CDC16: variants seen among roughly 807,000 people sequenced by gnomAD.
The protein encoded by CDC16 is cell division cycle 16, also known as cell division cycle protein 16 homolog.
A neutral mutation model predicts 87.0 loss-of-function variants in CDC16; 34 were observed. That is an observed-to-expected ratio of 0.39 (90% confidence interval 0.30 to 0.52). CDC16 has a LOEUF of 0.52. CDC16 is among the 20% of genes least tolerant of loss of function. The pLI is 0.74. For synonymous variants in CDC16, 263 were observed against 260.6 expected (o/e 1.01, Z -0.09); for missense variants, 653 against 751.9 (o/e 0.87, Z 1.54).
intron 17 of CDC16, among the ~76,000 whole-genome samples, chr13:114,265,944 T>A (rs1474810756): frequency 2.6e-5 from 4 of 152,120 alleles, no homozygotes; most frequent in Non-Finnish European, 5.9e-5. Flanking sequence ...GCCTCCTGAG[T>A]AGCTTGGATT....
chr13:114,248,468 G>T (rs1594593047), intron 11 of CDC16, among the ~76,000 whole-genome samples: 1 of 152,166 alleles, frequency 6.6e-6, no homozygotes, highest in East Asian at 1.9e-4. Flanking sequence ...ATTACCTTAG[G>T]TCAGGAGTTC....
intron 8 of CDC16, among the ~76,000 whole-genome samples, chr13:114,244,308 G>GTA (rs1566644851): frequency 6.6e-6 from 1 of 152,184 alleles, no homozygotes; most frequent in Non-Finnish European, 1.5e-5. Flanking sequence ...GACTCACACT[G>GTA]TAGATACTAG....
At chr13:114,270,623 C>T (rs974645994) in intron 17 of CDC16, among the ~76,000 whole-genome samples, 50 of 152,350 alleles carry the variant, frequency 3.3e-4, no homozygotes, top group African/African-American at 1.1e-3. Flanking sequence ...TGGCGGTAGT[C>T]ATCTGGGATG....
At chr13:114,243,209 C>A in intron 6 of CDC16, 48 bp from the exon 7 acceptor site, 1 of 859,196 alleles carries the variant, frequency 1.2e-6, no homozygotes, top group South Asian at 1.4e-5. Flanking sequence ...GCTTTTTCCC[C>A]TCTATAAATA....
At chr13:114,261,974 AATATACTTTGTGTCTC>A in intron 15 of CDC16, 26 bp downstream of exon 15, 1 of 1,451,364 alleles carries the variant, frequency 6.9e-7, no homozygotes, top group Non-Finnish European at 9.6e-7. Context: ...CATTTTCAGA[AATATACTTTGTGTCTC>A]AAAGTTTACT....
In CDC16 at chr13:114,244,948, G is replaced by A. The variant is rs1408566217; in HGVS notation, c.826G>A (p.Val276Ile). The A allele has an allele frequency of 6.2e-7, 1 of 1,602,760 alleles. No individual in the cohort carries two copies. The highest frequency in any genetic ancestry group is 2.2e-5 in the East Asian group (1 of 44,592). The change falls in exon 9 of 18, where the codon GTA (valine) becomes ATA (isoleucine). Residue 276 changes from valine to isoleucine, a missense_variant. Val to Ile is a conservative substitution (Grantham distance 29). Coordinates refer to ENST00000356221, the MANE Select transcript of CDC16 (RefSeq NM_001078645.3). ...TTTACCTGTACATATAGGGACGCTT[G>A]TAGAGCTGAATAAAGCCAATGGTAA... is the stretch of plus-strand genomic sequence containing the variant. Reference protein sequence around the residue: ...SCLPVHIGTLVELNKANELFY... With the variant: ...SCLPVHIGTLIELNKANELFY...
rs1431347391 is a variant in CDC16 at position 114,272,349 on chromosome 13, C to G, written c.1769C>G (p.Pro590Arg). 5.0e-6 allele frequency: 8 copies of G among 1,613,926 alleles called. No homozygotes were observed. The South Asian group carries it at 7.7e-5, about 16-fold the overall frequency. Residue 590 changes from proline (P) to arginine (R), a missense_variant, in exon 18 of 18, where the codon CCA becomes CGA. By Grantham distance (103) the Pro-to-Arg change is moderately radical. Coordinates refer to ENST00000356221, the MANE Select transcript of CDC16 (RefSeq NM_001078645.3). ...LTPLETSRKTPDSRPSLEETF... is the reference protein window; with the variant it reads ...LTPLETSRKTRDSRPSLEETF... ...CCATTGGAAACCTCAAGGAAAACTC[C>G]AGATTCCAGACCTTCCTTGGAAGAA...
At chr13:114,250,745 T>C in intron 12 of CDC16, 71 bp downstream of exon 12, 1 of 1,431,972 alleles carries the variant, frequency 7.0e-7, no homozygotes, top group South Asian at 1.2e-5. Flanking sequence ...TTTCTATTAC[T>C]ATTACTGCTA....
At chr13:114,238,738 C>G (rs974575529) in intron 3 of CDC16, among the ~76,000 whole-genome samples, 1 of 152,236 alleles carries the variant, frequency 6.6e-6, no homozygotes, top group Non-Finnish European at 1.5e-5. Flanking sequence ...GTCATGCTTA[C>G]CTGTTGTGCT....
At chr13:114,263,494 T>G (rs1210895258) in intron 16 of CDC16, among the ~76,000 whole-genome samples, 1 of 152,244 alleles carries the variant, frequency 6.6e-6, no homozygotes, top group East Asian at 1.9e-4. Flanking sequence ...AATTAAACTT[T>G]AACATAATTT....
chr13:114,251,447 G>A (rs1566658293), intron 12 of CDC16, among the ~76,000 whole-genome samples: 1 of 152,222 alleles, frequency 6.6e-6, no homozygotes, highest in Non-Finnish European at 1.5e-5. Flanking sequence ...AAAGCACTCA[G>A]TGAAAGTTAG....
chr13:114,253,508 G>T (rs1190348729), intron 12 of CDC16, among the ~76,000 whole-genome samples: 1 of 151,974 alleles, frequency 6.6e-6, no homozygotes, highest in Non-Finnish European at 1.5e-5. Context: ...TGGCCAATAT[G>T]GTGAAACCCC....
intron 16 of CDC16, among the ~76,000 whole-genome samples, chr13:114,263,639 G>T (rs536010753): frequency 1.3e-5 from 2 of 152,302 alleles, no homozygotes; most frequent in Admixed American, 6.5e-5. Flanking sequence ...AGCCCAGAGG[G>T]CCAGTATCTG....
chr13:114,235,496 G>A (rs2081203783), intron 1 of CDC16, among the ~76,000 whole-genome samples: 1 of 152,204 alleles, frequency 6.6e-6, no homozygotes, highest in Non-Finnish European at 1.5e-5. Context: ...TTTTTGAGAG[G>A]TTTAGTTGTA....
intron 11 of CDC16, among the ~76,000 whole-genome samples, chr13:114,248,248 G>A (rs17338039): frequency 1.6e-4 from 25 of 152,270 alleles, no homozygotes; most frequent in Admixed American, 1.3e-3. Flanking sequence ...GGTTTCTTCC[G>A]TGCAAATAAA....
intron 5 of CDC16, among the ~76,000 whole-genome samples, chr13:114,240,334 C>G (rs759584481): frequency 6.6e-6 from 1 of 152,050 alleles, no homozygotes; most frequent in Non-Finnish European, 1.5e-5. Flanking sequence ...CTCAGCCTCC[C>G]GAGTAGCTGG....
chr13:114,235,365 C>T (rs1406220307), intron 1 of CDC16, among the ~76,000 whole-genome samples: 1 of 152,252 alleles, frequency 6.6e-6, no homozygotes, highest in East Asian at 1.9e-4. Flanking sequence ...CGGGGCGCCT[C>T]AGTCGGGTCT....
At chr13:114,267,834 A>G (rs1282419765) in intron 17 of CDC16, among the ~76,000 whole-genome samples, 2 of 149,832 alleles carry the variant, frequency 1.3e-5, no homozygotes, top group African/African-American at 5.1e-5. Flanking sequence ...TTACTTTATC[A>G]TAGTTTACTG....
intron 5 of CDC16, among the ~76,000 whole-genome samples, chr13:114,240,358 C>T (rs1045128579): frequency 7.9e-5 from 12 of 152,000 alleles, no homozygotes; most frequent in African/African-American, 2.4e-4. Context: ...TACAGGCGCC[C>T]GCCACCATGC....
Sources: gnomAD v4.1 joint callset for allele counts (sites outside exome capture counted in the v4.1 genomes callset) on GRCh38, gnomAD v4.1.1 for gene constraint, MANE v1.5 for transcripts, NCBI Gene and HGNC (gene_info 2026-07-23, HGNC 2026-07-21) for gene names.